The following KAZN variants were observed in gnomAD, a reference collection of about 807,000 sequenced individuals.
KAZN encodes kazrin.
KAZN carries 40 observed loss-of-function variants against 87.4 expected under a neutral mutation model. The ratio of observed to expected loss-of-function variants is 0.46; its 90% CI spans 0.36 to 0.60. The LOEUF (loss-of-function observed/expected upper bound fraction) is 0.60. KAZN is among the 20% of genes least tolerant of loss of function. KAZN has a pLI of 0.00. For synonymous variants in KAZN, 466 were observed against 458.3 expected (o/e 1.02, Z -0.22); for missense variants, 898 against 1,073.9 (o/e 0.84, Z 2.29).
intron 1 of KAZN, among the ~76,000 whole-genome samples, chr1:14,042,303 A>G (rs759253982): frequency 6.6e-5 from 10 of 152,070 alleles, no homozygotes; most frequent in Middle Eastern, 3.2e-3. Context: ...CCCATCTACT[A>G]TAAGTGTAGA....
chr1:15,036,892 C>G (rs975731623), intron 3 of KAZN, among the ~76,000 whole-genome samples: 5 of 152,168 alleles, frequency 3.3e-5, no homozygotes, highest in African/African-American at 1.2e-4. Context: ...GGTTATCCTC[C>G]CATTTCACAG....
intron 1 of KAZN, among the ~76,000 whole-genome samples, chr1:14,849,065 C>T (rs1572641741): frequency 6.6e-6 from 1 of 152,288 alleles, no homozygotes; most frequent in East Asian, 1.9e-4. Flanking sequence ...GACCAGCGAA[C>T]TGAGGCTAGG....
intron 1 of KAZN, among the ~76,000 whole-genome samples, chr1:14,083,220 T>A (rs1643746208): frequency 6.6e-6 from 1 of 152,266 alleles, no homozygotes; most frequent in African/African-American, 2.4e-5. Context: ...TGGTCTTGAT[T>A]GTTCTGTACA....
intron 2 of KAZN, among the ~76,000 whole-genome samples, chr1:14,228,361 A>G (rs555230052): frequency 1.6e-4 from 24 of 152,318 alleles, no homozygotes; most frequent in Admixed American, 1.6e-3. Flanking sequence ...TAAATAATCT[A>G]TATAGGATGA....
chr1:14,254,892 G>A (rs1327498973), intron 2 of KAZN, among the ~76,000 whole-genome samples: 1 of 151,996 alleles, frequency 6.6e-6, no homozygotes, highest in Non-Finnish European at 1.5e-5. Flanking sequence ...GGAGGCTGAG[G>A]CGGGTGGATC....
intron 1 of KAZN, among the ~76,000 whole-genome samples, chr1:13,933,749 T>G (rs1048109380): frequency 6.6e-6 from 1 of 152,226 alleles, no homozygotes; most frequent in Non-Finnish European, 1.5e-5. Flanking sequence ...GCACTGGTCA[T>G]GAAGGCATTG....
At position 14,801,614 on chromosome 1, in the gene KAZN, G is replaced by A. The variant is rs536829737; in HGVS notation, c.227-159070G>A. On this transcript the variant is annotated intron_variant, in intron 1 of 14. Coordinates refer to ENST00000376030, the MANE Select transcript of KAZN (RefSeq NM_201628.3). Reference sequence around the variant, plus strand: ...GGGCTATGACGGCCTGGCCTGCTCCGACACAGACTGCTGATGAGTTTATGT... The same window carrying A: ...GGGCTATGACGGCCTGGCCTGCTCCAACACAGACTGCTGATGAGTTTATGT... Among the ~76,000 whole-genome samples the A allele has an allele frequency of 5.3e-5, 8 of 152,220 alleles. No homozygotes were observed. In the East Asian group the frequency reaches 5.8e-4, roughly 11 times the overall value.
intron 2 of KAZN, among the ~76,000 whole-genome samples, chr1:14,406,181 C>T (rs567481673): frequency 5.0e-4 from 76 of 152,204 alleles, no homozygotes; most frequent in Non-Finnish European, 5.3e-4. Context: ...TTTCACATTG[C>T]GTGCCCGTCT....
At chr1:15,042,628 G>C (rs974332670) in intron 3 of KAZN, among the ~76,000 whole-genome samples, 1 of 152,176 alleles carries the variant, frequency 6.6e-6, no homozygotes, top group Non-Finnish European at 1.5e-5. Flanking sequence ...ACTGAGGCAG[G>C]GATGACTCAC....
intron 8 of KAZN, among the ~76,000 whole-genome samples, chr1:15,079,064 C>T (rs184266725): frequency 4.5e-4 from 69 of 152,150 alleles, no homozygotes; most frequent in Non-Finnish European, 2.2e-4. Flanking sequence ...ATGAATCATG[C>T]AAGATAGTCA....
intron 2 of KAZN, among the ~76,000 whole-genome samples, chr1:14,553,783 G>A (rs1207579224): frequency 6.6e-6 from 1 of 152,152 alleles, no homozygotes; most frequent in Non-Finnish European, 1.5e-5. Flanking sequence ...CAGGCGCCAG[G>A]GCAGCAACTG....
chr1:14,104,178 G>A (rs1644320154), intron 1 of KAZN, among the ~76,000 whole-genome samples: 1 of 152,172 alleles, frequency 6.6e-6, no homozygotes. Context: ...AACACAGCTT[G>A]TGGCCTCATT....
At chr1:14,932,735 TC>T (rs1258784744) in intron 1 of KAZN, among the ~76,000 whole-genome samples, 2 of 151,008 alleles carry the variant, frequency 1.3e-5, no homozygotes, top group African/African-American at 2.4e-5. Flanking sequence ...AAATGCAGAG[TC>T]CCACCCCAGA....
chr1:14,417,152 T>C (rs1664857672), intron 2 of KAZN, among the ~76,000 whole-genome samples: 2 of 148,762 alleles, frequency 1.3e-5, no homozygotes, highest in South Asian at 2.1e-4. Context: ...AGATTGCACC[T>C]GGGCAACAGA....
intron 2 of KAZN, among the ~76,000 whole-genome samples, chr1:14,319,329 A>C (rs2100834571): frequency 6.6e-6 from 1 of 152,136 alleles, no homozygotes; most frequent in East Asian, 1.9e-4. Flanking sequence ...TTACTGAATC[A>C]CCAGGGATAA....
chr1:14,529,605 T>A (rs1191784388), intron 2 of KAZN, among the ~76,000 whole-genome samples: 1 of 151,508 alleles, frequency 6.6e-6, no homozygotes, highest in African/African-American at 2.4e-5. Flanking sequence ...ACAGAAAAAA[T>A]GAGGGAGGAG....
At chr1:13,900,183 A>G (rs937565891) in intron 1 of KAZN, among the ~76,000 whole-genome samples, 5 of 152,158 alleles carry the variant, frequency 3.3e-5, no homozygotes. Context: ...ATTCCAGGTC[A>G]GTGGGGAAAA....
chr1:15,079,780 G>A (rs1433786781), intron 8 of KAZN, among the ~76,000 whole-genome samples: 3 of 152,224 alleles, frequency 2.0e-5, no homozygotes, highest in African/African-American at 7.2e-5. Context: ...GCCAGCAGCT[G>A]GAGAAAGATG....
intron 2 of KAZN, among the ~76,000 whole-genome samples, chr1:14,419,020 C>A (rs1665104138): frequency 6.6e-6 from 1 of 152,080 alleles, no homozygotes; most frequent in South Asian, 2.1e-4. Flanking sequence ...AACGAGTGTT[C>A]AATAAGCACA....
Sources: gnomAD v4.1 joint callset for allele counts (sites outside exome capture counted in the v4.1 genomes callset) on GRCh38, gnomAD v4.1.1 for gene constraint, MANE v1.5 for transcripts, NCBI Gene and HGNC (gene_info 2026-07-23, HGNC 2026-07-21) for gene names.